Variants in MARCHF1 observed in about 807,000 individuals in gnomAD.
MARCHF1 encodes membrane associated ring-CH-type finger 1, also known as E3 ubiquitin-protein ligase MARCHF1.
A neutral mutation model predicts 54.2 loss-of-function variants in MARCHF1; 40 were observed. The observed-to-expected ratio is 0.74, with a 90% CI of 0.57 to 0.96. MARCHF1 has a LOEUF of 0.96. Ranked by LOEUF, MARCHF1 falls within the 40% of genes least tolerant of loss-of-function variation. The pLI, the probability that MARCHF1 is intolerant of heterozygous loss-of-function variation, is 0.00. For missense variants in MARCHF1, 586 were observed against 656.5 expected (o/e 0.89, Z 1.17); for synonymous variants, 236 against 236.3 (o/e 1.00, Z 0.01).
chr4:164,113,320 C>T (rs755993345), intron 1 of MARCHF1, among the ~76,000 whole-genome samples: 1 of 151,996 alleles, frequency 6.6e-6, no homozygotes, highest in African/African-American at 2.4e-5. Flanking sequence ...TCTACTGCTT[C>T]ATGATTTTAG....
intron 1 of MARCHF1, among the ~76,000 whole-genome samples, chr4:164,285,913 C>CAG (rs1456464958): frequency 1.3e-5 from 2 of 150,708 alleles, no homozygotes; most frequent in African/African-American, 4.9e-5. Flanking sequence ...TTTCTCCCAG[C>CAG]AGAACTTCTC....
intron 7 of MARCHF1, among the ~76,000 whole-genome samples, chr4:163,592,209 T>C (rs1335197211): frequency 1.3e-5 from 2 of 152,216 alleles, no homozygotes; most frequent in Non-Finnish European, 2.9e-5. Context: ...ATAAGTTTTG[T>C]CATTCTGAAT....
At chr4:163,923,766 T>TAAA (rs201402327) in intron 3 of MARCHF1, among the ~76,000 whole-genome samples, 8 of 141,326 alleles carry the variant, frequency 5.7e-5, no homozygotes, top group African/African-American at 1.8e-4. Context: ...GATAGAATTG[T>TAAA]AAAAAAAAAA....
chr4:163,752,874 T>C (rs1746564958), intron 4 of MARCHF1, among the ~76,000 whole-genome samples: 2 of 152,174 alleles, frequency 1.3e-5, no homozygotes, highest in Non-Finnish European at 2.9e-5. Context: ...AAGAATGCAT[T>C]GCTATCACTA....
intron 1 of MARCHF1, among the ~76,000 whole-genome samples, chr4:164,323,097 T>C (rs1735184439): frequency 6.6e-6 from 1 of 151,934 alleles, no homozygotes; most frequent in African/African-American, 2.4e-5. Context: ...AGTACTTTTA[T>C]GGAACACCAA....
chr4:163,844,513 C>T (rs112024895), intron 4 of MARCHF1, among the ~76,000 whole-genome samples: 2 of 151,846 alleles, frequency 1.3e-5, no homozygotes, highest in Non-Finnish European at 2.9e-5. Flanking sequence ...GATGTGACTA[C>T]GTTAATGAGG....
At chr4:163,578,659 T>A (rs540450895) in intron 8 of MARCHF1, among the ~76,000 whole-genome samples, 4 of 152,278 alleles carry the variant, frequency 2.6e-5, no homozygotes, top group African/African-American at 9.6e-5. Context: ...GTTTTGTATA[T>A]CTTTAGATAT....
intron 1 of MARCHF1, among the ~76,000 whole-genome samples, chr4:164,131,071 A>G (rs4691961): frequency 0.52 from 79,589 of 151,952 alleles, 21,363 homozygotes; most frequent in South Asian, 0.6. Context: ...TGGAAGTATC[A>G]ATAAATGTGT....
At chr4:163,884,455 G>T (rs182320412) in intron 3 of MARCHF1, among the ~76,000 whole-genome samples, 1 of 152,138 alleles carries the variant, frequency 6.6e-6, no homozygotes, top group East Asian at 1.9e-4. Context: ...AAATGAAAGT[G>T]TCCCCAGCCT....
chr4:164,326,605 AG>A (rs913761531), intron 1 of MARCHF1, among the ~76,000 whole-genome samples: 6 of 152,220 alleles, frequency 3.9e-5, no homozygotes, highest in African/African-American at 1.2e-4. Context: ...AAGTCACTAT[AG>A]GGAGCAAGTA....
Position 164,029,795 on chromosome 4 carries a change from G to A in MARCHF1, c.-247-41086C>T, listed in dbSNP as rs146270337. On this transcript the variant is annotated intron_variant, in intron 2 of 9. Coordinates refer to ENST00000514618, the MANE Select transcript of MARCHF1 (RefSeq NM_001394959.1). ...TTTTAAGTAGAGACAGCGTTTCACC[G>A]TGTTGGCCAGGCTGGTCTCAAACTT... Among the ~76,000 whole-genome samples the A allele has an allele frequency of 9.9e-3, 1,500 of 152,022 alleles. 18 individuals carry two copies. The highest frequency in any genetic ancestry group is 0.033 in the African/African-American group (1,369 of 41,464).
chr4:163,978,696 T>G (rs1399194487), intron 3 of MARCHF1, among the ~76,000 whole-genome samples: 3 of 151,988 alleles, frequency 2.0e-5, no homozygotes, highest in Non-Finnish European at 4.4e-5. Flanking sequence ...CTGGGGATTT[T>G]TTGTTGTATT....
intron 1 of MARCHF1, among the ~76,000 whole-genome samples, chr4:164,228,313 T>G (rs961326767): frequency 6.6e-6 from 1 of 152,210 alleles, no homozygotes; most frequent in Non-Finnish European, 1.5e-5. Context: ...ACTTAAAAAT[T>G]CCTAAGTCTA....
intron 3 of MARCHF1, among the ~76,000 whole-genome samples, chr4:163,905,192 G>C (rs1222044755): frequency 6.6e-6 from 1 of 152,002 alleles, no homozygotes; most frequent in African/African-American, 2.4e-5. Context: ...ATAATGAACA[G>C]TATTATACTT....
intron 9 of MARCHF1, among the ~76,000 whole-genome samples, chr4:163,531,008 G>T (rs555932090): frequency 9.9e-5 from 15 of 151,930 alleles, no homozygotes; most frequent in African/African-American, 3.1e-4. Flanking sequence ...ACCTTTCAGA[G>T]CAGAAAGCAC....
chr4:163,536,361 TTTTC>T (rs1472123076), intron 9 of MARCHF1, among the ~76,000 whole-genome samples: 1 of 152,182 alleles, frequency 6.6e-6, no homozygotes, highest in Non-Finnish European at 1.5e-5. Flanking sequence ...CTCCGATCTT[TTTTC>T]TTTCTGTGTT....
At chr4:163,937,131 A>C (rs1751813214) in intron 3 of MARCHF1, among the ~76,000 whole-genome samples, 1 of 152,184 alleles carries the variant, frequency 6.6e-6, no homozygotes, top group Non-Finnish European at 1.5e-5. Flanking sequence ...TTTCAGTTAC[A>C]GTCCCACTGG....
chr4:163,931,703 G>A (rs149279894), intron 3 of MARCHF1, among the ~76,000 whole-genome samples: 51 of 152,242 alleles, frequency 3.3e-4, no homozygotes, highest in Non-Finnish European at 6.3e-4. Context: ...TCCTAATGTG[G>A]GGGTGGGGTT....
At chr4:163,717,611 C>A (rs1745306151) in intron 4 of MARCHF1, among the ~76,000 whole-genome samples, 1 of 152,126 alleles carries the variant, frequency 6.6e-6, no homozygotes, top group Non-Finnish European at 1.5e-5. Flanking sequence ...ACAGTCCCAC[C>A]AACAGTGTAA....
Sources: allele counts gnomAD v4.1 joint callset (sites outside exome capture counted in the v4.1 genomes callset), GRCh38; gene constraint gnomAD v4.1.1; transcripts MANE v1.5; gene names NCBI Gene and HGNC (gene_info 2026-07-23, HGNC 2026-07-21).